The following PCDHGA4 variants were observed in gnomAD, a reference collection of about 807,000 sequenced individuals.
PCDHGA4 encodes the protein protocadherin gamma-A4.
Under a neutral mutation model 54.6 loss-of-function variants are expected in PCDHGA4, and 38 were observed. That is an observed-to-expected ratio of 0.70 (90% CI 0.54 to 0.91). The LOEUF (loss-of-function observed/expected upper bound fraction) is 0.91. Ranked by LOEUF, PCDHGA4 falls within the 40% of genes least tolerant of loss-of-function variation. The probability of loss-of-function intolerance (pLI) is 0.00; values close to 1 mark genes in which losing one functional copy is unlikely to be tolerated. For synonymous variants in PCDHGA4, 511 were observed against 512.9 expected (o/e 1.00, Z 0.05); for missense variants, 1,298 against 1,220.9 (o/e 1.06, Z -0.94).
intron 1 of PCDHGA4, chr5:141,375,679 G>A (rs1399157230): frequency 6.2e-7 from 1 of 1,614,244 alleles, no homozygotes; most frequent in Admixed American, 1.7e-5. Flanking sequence ...AGCTGTGGGT[G>A]ACAGCCAGCG....
At position 141,432,374 on chromosome 5, in the gene PCDHGA4, C is replaced by G; in HGVS notation, c.2515-62433C>G. The G allele has an allele frequency of 6.2e-7, 1 of 1,614,240 alleles. No individual in the cohort carries two copies. The highest frequency in any genetic ancestry group is 1.1e-5 in the South Asian group (1 of 91,082). ...GAAAGTGATGGCGCGGGACAACGGG[C>G]ACCCGCCCCTCAGCAGCAACGTGTC... On this transcript the variant is annotated intron_variant, in intron 1 of 3. Transcript: ENST00000571252. The surrounding 1 kb of genome is among the most constrained non-coding windows in gnomAD (Gnocchi z 6.0).
chr5:141,483,750 A>G (rs1453478545), intron 1 of PCDHGA4, among the ~76,000 whole-genome samples: 1 of 152,138 alleles, frequency 6.6e-6, no homozygotes, highest in African/African-American at 2.4e-5. Flanking sequence ...ATTCCTGAGG[A>G]TCGAGGCTTG....
At chr5:141,441,718 C>A in intron 1 of PCDHGA4, 1 of 344,940 alleles carries the variant, frequency 2.9e-6, no homozygotes, top group Non-Finnish European at 5.7e-6. Flanking sequence ...ACGCTGCAGG[C>A]CCGCGACCAG....
rs911465424 is a variant in PCDHGA4 at position 141,449,724 on chromosome 5, AT to A, written c.2515-45076del. ...AAACACATTATTTTTATATGATATG[AT>A]TTTTTTATGACATGATTATTTTTAT... On this transcript the variant is annotated intron_variant, in intron 1 of 3. Coordinates refer to ENST00000571252, the MANE Select transcript of PCDHGA4 (RefSeq NM_018917.4). 1.2e-4 allele frequency among the ~76,000 whole-genome samples: 18 copies of A among 151,282 alleles called. No homozygotes were observed. The South Asian group carries it at 1.9e-3, about 16-fold the overall frequency.
rs2099385215 is a variant in PCDHGA4 at position 141,476,099 on chromosome 5, G to A, written c.2515-18708G>A. On this transcript the variant is annotated intron_variant, in intron 1 of 3. Coordinates refer to ENST00000571252, the MANE Select transcript of PCDHGA4 (RefSeq NM_018917.4). This position sits in a 1 kb window ranked among gnomAD's most constrained non-coding sequence, Gnocchi z 7.6. ...GGGACGATCTGGACCCCGCTGAGAGGAACTGCTTTTGAGTGAGATGGTCCC... is the reference window on the plus strand; with the variant it reads ...GGGACGATCTGGACCCCGCTGAGAGAAACTGCTTTTGAGTGAGATGGTCCC... 1 of 1,574,916 alleles carries A rather than the reference G, an allele frequency of 6.3e-7. No individual in the cohort carries two copies.
chr5:141,387,143 G>A (rs1310461267), intron 1 of PCDHGA4, among the ~76,000 whole-genome samples: 3 of 152,158 alleles, frequency 2.0e-5, no homozygotes, highest in Admixed American at 6.5e-5. Flanking sequence ...TATTGGGAAG[G>A]GGGTGTATTT....
chr5:141,420,287 A>C, intron 1 of PCDHGA4: 1 of 1,498,884 alleles, frequency 6.7e-7, no homozygotes, highest in African/African-American at 1.4e-5. Context: ...AAGTATTTAA[A>C]AATGTATTTA....
intron 2 of PCDHGA4, among the ~76,000 whole-genome samples, chr5:141,497,661 T>A (rs1485909952): frequency 3.3e-5 from 5 of 151,062 alleles, no homozygotes; most frequent in African/African-American, 4.9e-5. Context: ...TGCCTCAGCC[T>A]CCCGAGTAGC....
intron 1 of PCDHGA4, among the ~76,000 whole-genome samples, chr5:141,456,006 T>C (rs909931677): frequency 6.6e-6 from 1 of 151,852 alleles, no homozygotes; most frequent in Non-Finnish European, 1.5e-5. Flanking sequence ...CATGCCATTC[T>C]CCTGCCTCAG....
chr5:141,411,515 T>A (rs1381474249), intron 1 of PCDHGA4: 1 of 151,910 alleles, frequency 6.6e-6, no homozygotes, highest in East Asian at 1.9e-4. Flanking sequence ...TCCTGGGAGG[T>A]CAAGGTTGCA....
At chr5:141,393,017 C>T (rs1192044321) in intron 1 of PCDHGA4, 2 of 1,613,754 alleles carry the variant, frequency 1.2e-6, no homozygotes, top group Non-Finnish European at 1.7e-6. Context: ...GTATCGTCTC[C>T]AGAGGTAGGA....
In PCDHGA4 at chr5:141,428,115, G is replaced by T. The variant is rs753384738; in HGVS notation, c.2515-66692G>T. 5 of 1,607,062 alleles carry T rather than the reference G, an allele frequency of 3.1e-6. No homozygotes were observed. In the South Asian group the frequency reaches 5.5e-5, roughly 18 times the overall value. On this transcript the variant is annotated intron_variant, in intron 1 of 3. Coordinates refer to ENST00000571252, the MANE Select transcript of PCDHGA4 (RefSeq NM_018917.4). ...GTCCTACCACGTGCTGCAGGCCATC[G>T]AGCCCGGGCTTTTCAGCCTGGGGCT...
In PCDHGA4 at chr5:141,485,124, C is replaced by A; in HGVS notation, c.2515-9683C>A. ...GCTGCTGTGGCTGTTTGGGGCGGGT[C>A]GGCTTCATCCGCGTCTCAGGAGCAA... is the stretch of plus-strand genomic sequence containing the variant. On this transcript the variant is annotated intron_variant, in intron 1 of 3. Transcript: ENST00000571252. The surrounding 1 kb of genome is among the most constrained non-coding windows in gnomAD (Gnocchi z 5.7). 2 of 1,390,136 alleles carry A rather than the reference C, an allele frequency of 1.4e-6. No homozygotes were observed. The highest frequency in any genetic ancestry group is 2.5e-5 in the South Asian group (2 of 80,180). 86.1% of individuals were successfully genotyped at this position (1,390,136 alleles called of 1,614,324 possible). A position where few individuals can be genotyped will look rare whatever the true frequency, so the allele number is the denominator to read the frequency against.
At position 141,410,457 on chromosome 5, in the gene PCDHGA4, A is replaced by G. The variant is rs372920524; in HGVS notation, c.2514+52836A>G. 1.2e-6 allele frequency: 2 copies of G among 1,614,044 alleles called. No homozygotes were observed. ...AGTGAGGGGACTTTGCCTTATTCTTATAATCTGTGCATTGCACATACGGGT... is the reference window on the plus strand; with the variant it reads ...AGTGAGGGGACTTTGCCTTATTCTTGTAATCTGTGCATTGCACATACGGGT... On this transcript the variant is annotated intron_variant, in intron 1 of 3. Transcript: ENST00000571252.
At chr5:141,400,769 T>C (rs2094071773) in intron 1 of PCDHGA4, 2 of 575,796 alleles carry the variant, frequency 3.5e-6, no homozygotes, top group Admixed American at 3.4e-5. Flanking sequence ...GCAAAAACAT[T>C]TGGTGCGTTT....
chr5:141,378,684 A>AT (rs1775094609), intron 1 of PCDHGA4: 1 of 152,256 alleles, frequency 6.6e-6, no homozygotes, highest in East Asian at 1.9e-4. Flanking sequence ...ATATTTTAGC[A>AT]TTTTAACCCA....
At chr5:141,419,053 T>C in intron 1 of PCDHGA4, 1 of 1,613,954 alleles carries the variant, frequency 6.2e-7, no homozygotes, top group South Asian at 1.1e-5. Context: ...ATTCTTCTTC[T>C]AATAATTACT....
At chr5:141,501,516 C>A (rs763346187) in intron 2 of PCDHGA4, among the ~76,000 whole-genome samples, 1 of 152,010 alleles carries the variant, frequency 6.6e-6, no homozygotes, top group Non-Finnish European at 1.5e-5. Flanking sequence ...GGCCTCCAAG[C>A]TGAAGCCCAG....
chr5:141,463,438 CTTTTTTTTTTTTTTT>C (rs71576115), intron 1 of PCDHGA4, among the ~76,000 whole-genome samples: 7 of 103,256 alleles, frequency 6.8e-5, no homozygotes, highest in African/African-American at 3.1e-4. Flanking sequence ...TTTCCTTCTC[CTTTTTTTTTTTTTTT>C]TTTTTTTTTT....
Sources: allele counts gnomAD v4.1 joint callset (sites outside exome capture counted in the v4.1 genomes callset), GRCh38; gene constraint gnomAD v4.1.1; non-coding constraint Gnocchi (gnomAD v3.1); transcripts MANE v1.5; gene names NCBI Gene and HGNC (gene_info 2026-07-23, HGNC 2026-07-21).